The following STK35 variants were observed in gnomAD, a reference collection of about 807,000 sequenced individuals.
STK35 encodes serine/threonine kinase 35.
In STK35, 17 loss-of-function variants were observed where a neutral mutation model predicts 37.3. The observed-to-expected ratio is 0.46, with a 90% confidence interval of 0.31 to 0.68. STK35 has a LOEUF of 0.68. Ranked by LOEUF, STK35 falls within the 30% of genes least tolerant of loss-of-function variation. The pLI, the probability that STK35 is intolerant of heterozygous loss-of-function variation, is 0.05. For missense variants in STK35, 595 were observed against 746.7 expected, an observed-to-expected ratio of 0.80 and a Z score of 2.37; for synonymous variants, 385 against 319.1, an observed-to-expected ratio of 1.21 and a Z score of -2.20.
chr20:2,114,101 G>A (rs886899294), intron 2 of STK35, among the ~76,000 whole-genome samples: 15 of 152,064 alleles, frequency 9.9e-5, no homozygotes, highest in African/African-American at 2.2e-4. Context: ...CCATCTGGTC[G>A]TGAGGTAGCT....
intron 2 of STK35, among the ~76,000 whole-genome samples, chr20:2,113,889 C>G (rs1410264597): frequency 6.6e-6 from 1 of 152,204 alleles, no homozygotes; most frequent in Non-Finnish European, 1.5e-5. Context: ...GCTCAGAGAG[C>G]TTCAGGGACT....
At chr20:2,129,075 G>A (rs1449507888) in intron 3 of STK35, among the ~76,000 whole-genome samples, 2 of 152,164 alleles carry the variant, frequency 1.3e-5, no homozygotes, top group African/African-American at 4.8e-5. Flanking sequence ...CACCCGCCTC[G>A]GCCTCCCAAA....
intron 3 of STK35, among the ~76,000 whole-genome samples, chr20:2,125,891 A>G (rs553046679): frequency 2.6e-5 from 4 of 152,318 alleles, no homozygotes; most frequent in African/African-American, 9.6e-5. Flanking sequence ...CAGCTGGGAA[A>G]GCACCCAGCA....
intron 2 of STK35, among the ~76,000 whole-genome samples, chr20:2,115,586 TAAAG>T (rs1432404186): frequency 6.6e-6 from 1 of 152,160 alleles, no homozygotes; most frequent in Non-Finnish European, 1.5e-5. Context: ...AACATCCACA[TAAAG>T]ATTCACTGGA....
chr20:2,105,600 C>T (rs1985499349), intron 2 of STK35, among the ~76,000 whole-genome samples: 1 of 152,132 alleles, frequency 6.6e-6, no homozygotes, highest in African/African-American at 2.4e-5. Context: ...GAGGAGCATT[C>T]CTTTATTGTA....
At chr20:2,129,379 A>G (rs920352243) in intron 3 of STK35, among the ~76,000 whole-genome samples, 2 of 152,096 alleles carry the variant, frequency 1.3e-5, no homozygotes, top group Non-Finnish European at 2.9e-5. Context: ...GAGGCCTGCC[A>G]GGCACGCAGC....
At position 2,147,758 on chromosome 20, in the gene STK35, A is replaced by G. The variant is rs1217274514; in HGVS notation, c.*4012A>G. The stretch of plus-strand genomic sequence containing the variant: ...CTCCTAGGCCTGTCTGGCAGCCCCC[A>G]GACAGACGTAGCTCCTGGGAGTCTC... On this transcript the variant is annotated 3_prime_UTR_variant, in exon 4 of 4. Transcript: ENST00000381482. The G allele has an allele frequency of 6.6e-6, 1 of 152,132 alleles. No individual in the cohort carries two copies. The highest frequency in any genetic ancestry group is 1.5e-5 in the Non-Finnish European group (1 of 68,038). The allele number at this position is 152,132 out of a possible 1,614,324, so 9.4% of individuals were successfully genotyped here.
At chr20:2,122,654 A>G (rs1167217007) in intron 3 of STK35, among the ~76,000 whole-genome samples, 1 of 152,186 alleles carries the variant, frequency 6.6e-6, no homozygotes, top group East Asian at 1.9e-4. Context: ...TTGATCCTAT[A>G]TATCTTATTG....
intron 3 of STK35, among the ~76,000 whole-genome samples, chr20:2,132,519 A>G (rs1159451297): frequency 1.3e-5 from 2 of 152,212 alleles, no homozygotes; most frequent in Admixed American, 6.5e-5. Flanking sequence ...AAAAAAGACA[A>G]GGGTGAGTGG....
intron 2 of STK35, among the ~76,000 whole-genome samples, chr20:2,106,978 TA>T (rs1985527873): frequency 6.6e-6 from 1 of 152,248 alleles, no homozygotes; most frequent in Admixed American, 6.5e-5. Flanking sequence ...CCAGGCTTTT[TA>T]AAACCACATT....
chr20:2,107,154 A>G (rs1436011455), intron 2 of STK35, among the ~76,000 whole-genome samples: 4 of 152,240 alleles, frequency 2.6e-5, no homozygotes, highest in Non-Finnish European at 4.4e-5. Context: ...AACAAAGTTC[A>G]AGATTACTGC....
At chr20:2,116,547 TCCCCTTG>T in intron 2 of STK35, 112 bp from the exon 3 acceptor site, 1 of 1,104,316 alleles carries the variant, frequency 9.1e-7, no homozygotes, top group Non-Finnish European at 1.3e-6. Flanking sequence ...GTTGTGCAGG[TCCCCTTG>T]GAGCAGTTGT....
intron 3 of STK35, among the ~76,000 whole-genome samples, chr20:2,140,004 G>C (rs1272055186): frequency 6.6e-6 from 1 of 152,154 alleles, no homozygotes; most frequent in Non-Finnish European, 1.5e-5. Context: ...AGAGACTTTG[G>C]GTAGTAAAGC....
chr20:2,118,717 A>G (rs992130693), intron 3 of STK35, among the ~76,000 whole-genome samples: 2 of 152,264 alleles, frequency 1.3e-5, no homozygotes, highest in African/African-American at 4.8e-5. Context: ...AAAAATTCCT[A>G]TTACCTAGTG....
Position 2,142,321 on chromosome 20 carries a change from T to C in STK35, c.*38-1463T>C, listed in dbSNP as rs576638071. ...CCAACAGACAGTAAATTATCCAATA[T>C]TGTCCTATCCTGCTGCCTCTTGGGA... is the stretch of plus-strand genomic sequence containing the variant. On this transcript the variant is annotated intron_variant, in intron 3 of 3. Transcript: ENST00000381482. Among the ~76,000 whole-genome samples, 311 of 152,110 alleles carry C rather than the reference T, an allele frequency of 2.0e-3. 1 individual carries two copies. The highest frequency in any genetic ancestry group is 3.3e-3 in the South Asian group (16 of 4,810).
chr20:2,124,862 T>C (rs898781237), intron 3 of STK35, among the ~76,000 whole-genome samples: 1 of 150,434 alleles, frequency 6.6e-6, no homozygotes, highest in African/African-American at 2.4e-5. Context: ...TGGTATTTTA[T>C]TTTTTTTGTA....
chr20:2,142,384 G>A (rs1034189035), intron 3 of STK35, among the ~76,000 whole-genome samples: 3 of 152,156 alleles, frequency 2.0e-5, no homozygotes, highest in African/African-American at 7.2e-5. Context: ...TGAGGACAAC[G>A]AGCTGGTGTT....
At position 2,117,859 on chromosome 20, in the gene STK35, T is replaced by C. The variant is rs1398417651; in HGVS notation, c.*37+444T>C. 1.3e-5 allele frequency among the ~76,000 whole-genome samples: 2 copies of C among 152,222 alleles called. No homozygotes were observed. Among genetic ancestry groups the C allele is most frequent in the Non-Finnish European group, 2.9e-5 (2 of 68,042 alleles). On this transcript the variant is annotated intron_variant, in intron 3 of 3. Transcript: ENST00000381482. The surrounding 1 kb of genome is among the most constrained non-coding windows in gnomAD (Gnocchi z 4.4). ...AGTTGAAGAAAATGAAGTGCTTCTTTTCAAAGATCCCCCCCATATCTTGAT... is the reference window on the plus strand; with the variant it reads ...AGTTGAAGAAAATGAAGTGCTTCTTCTCAAAGATCCCCCCCATATCTTGAT...
rs554159434 is a variant in STK35, at chr20:2,116,546, G to A, written c.893-120G>A. 1.2e-3 allele frequency: 1,311 copies of A among 1,096,914 alleles called. 21 individuals carry two copies. The South Asian group carries it at 0.014, about 12-fold the overall frequency. The allele number at this position is 1,096,914 out of a possible 1,614,324, so 67.9% of individuals were successfully genotyped here. A position where few individuals can be genotyped will look rare whatever the true frequency, so the allele number is the denominator to read the frequency against. On this transcript the variant is annotated intron_variant, in intron 2 of 3. Transcript: ENST00000381482. ...AAGGCACTCAGTGCCAGTTGTGCAG[G>A]TCCCCTTGGAGCAGTTGTTTGTCAC...
Sources: gnomAD v4.1 joint callset for allele counts (sites outside exome capture counted in the v4.1 genomes callset) on GRCh38, gnomAD v4.1.1 for gene constraint, Gnocchi (gnomAD v3.1) non-coding constraint, MANE v1.5 for transcripts, NCBI Gene and HGNC (gene_info 2026-07-23, HGNC 2026-07-21) for gene names.